The following TENM4 variants were observed in gnomAD, a reference collection of about 807,000 sequenced individuals.
TENM4 encodes the protein teneurin transmembrane protein 4.
TENM4 carries 82 observed loss-of-function variants against 243.3 expected under a neutral mutation model. The observed-to-expected ratio is 0.34, with a 90% CI of 0.28 to 0.40. The LOEUF (loss-of-function observed/expected upper bound fraction) is 0.40, where lower values mean the gene tolerates loss of function less well. TENM4 is among the 10% of genes least tolerant of loss of function. TENM4 has a pLI of 1.00. For missense variants in TENM4, 3,138 were observed against 3,673.3 expected, an observed-to-expected ratio of 0.85 and a Z score of 3.77; for synonymous variants, 1,412 against 1,456.3, an observed-to-expected ratio of 0.97 and a Z score of 0.69.
chr11:78,721,418 G>C (rs1859649345), intron 24 of TENM4, among the ~76,000 whole-genome samples: 1 of 152,230 alleles, frequency 6.6e-6, no homozygotes, highest in Admixed American at 6.5e-5. Context: ...GTGCGCCTTA[G>C]AGTGAGATTC....
At chr11:78,770,211 A>C (rs1024064341) in intron 18 of TENM4, among the ~76,000 whole-genome samples, 6 of 152,242 alleles carry the variant, frequency 3.9e-5, no homozygotes, top group Non-Finnish European at 8.8e-5. Context: ...AAAGTAGAAC[A>C]CATTATGGTT....
chr11:79,311,419 T>A (rs11826578), intron 1 of TENM4, among the ~76,000 whole-genome samples: 1 of 152,056 alleles, frequency 6.6e-6, no homozygotes, highest in East Asian at 1.9e-4. Flanking sequence ...CTCAGAGCCA[T>A]TGGAGGCTAA....
At chr11:79,227,637 C>G (rs1046526924) in intron 2 of TENM4, among the ~76,000 whole-genome samples, 1 of 152,212 alleles carries the variant, frequency 6.6e-6, no homozygotes, top group Non-Finnish European at 1.5e-5. Flanking sequence ...ATGGGGGACA[C>G]AAAAGCAGGT....
intron 3 of TENM4, among the ~76,000 whole-genome samples, chr11:79,158,367 G>A (rs889907366): frequency 5.3e-5 from 8 of 152,150 alleles, no homozygotes; most frequent in African/African-American, 1.7e-4. Flanking sequence ...GCAAGACCCT[G>A]CCTTGGAATA....
At chr11:79,272,493 A>G (rs770168506) in intron 2 of TENM4, among the ~76,000 whole-genome samples, 1 of 152,186 alleles carries the variant, frequency 6.6e-6, no homozygotes, top group Non-Finnish European at 1.5e-5. Flanking sequence ...TTTTCCTCCC[A>G]AGTCTCTGAA....
At chr11:79,360,942 CA>C (rs1398883244) in intron 1 of TENM4, among the ~76,000 whole-genome samples, 36 of 152,136 alleles carry the variant, frequency 2.4e-4, no homozygotes, top group Non-Finnish European at 5.9e-5. Context: ...TACAGCAGAC[CA>C]AATGTGCATT....
chr11:79,011,792 T>A (rs1441402348), intron 6 of TENM4, among the ~76,000 whole-genome samples: 1 of 152,238 alleles, frequency 6.6e-6, no homozygotes, highest in Non-Finnish European at 1.5e-5. Flanking sequence ...AGCACAGTCA[T>A]CAAGCATAAA....
At chr11:79,241,437 G>T (rs1296535971) in intron 2 of TENM4, among the ~76,000 whole-genome samples, 2 of 152,060 alleles carry the variant, frequency 1.3e-5, no homozygotes, top group Admixed American at 6.6e-5. Flanking sequence ...AACATTAAGA[G>T]AATTCGTCAC....
intron 2 of TENM4, among the ~76,000 whole-genome samples, chr11:79,286,448 T>A (rs1361579325): frequency 6.6e-6 from 1 of 150,426 alleles, no homozygotes; most frequent in Non-Finnish European, 1.5e-5. Flanking sequence ...AGGTCAGAAG[T>A]TTGAGACCAG....
At chr11:78,878,473 C>T (rs1298745687) in intron 9 of TENM4, among the ~76,000 whole-genome samples, 2 of 152,180 alleles carry the variant, frequency 1.3e-5, no homozygotes, top group Admixed American at 1.3e-4. Flanking sequence ...ACAGATGCTT[C>T]CCTGAAGTAG....
chr11:78,751,967 T>C (rs56977251), intron 19 of TENM4, among the ~76,000 whole-genome samples: 1,642 of 152,318 alleles, frequency 0.011, 27 homozygotes, highest in African/African-American at 0.038. Flanking sequence ...ACTAGGCAGA[T>C]GGGACCCGGG....
chr11:78,846,516 C>T (rs1858396498), intron 12 of TENM4, among the ~76,000 whole-genome samples: 2 of 152,184 alleles, frequency 1.3e-5, no homozygotes, highest in African/African-American at 4.8e-5. Flanking sequence ...TGGCGTCTAC[C>T]ACTCTGGACT....
In TENM4 at chr11:78,805,282, C is replaced by CCCCACCACCCCCCCCCCCCCCA; in HGVS notation, c.2179+9_2179+10insTGGGGGGGGGGGGGGTGGTGGG. 1.0e-6 allele frequency: 1 copy of CCCCACCACCCCCCCCCCCCCCA among 995,568 alleles called. No homozygotes were observed. Among genetic ancestry groups the CCCCACCACCCCCCCCCCCCCCA allele is most frequent in the Non-Finnish European group, 1.2e-6 (1 of 823,790 alleles). The allele number at this position is 995,568 out of a possible 1,614,324, so 61.7% of individuals were successfully genotyped here. ...CCCTCTACCCATGCTTCTTCTCCCC[C>CCCCACCACCCCCCCCCCCCCCA]TGCATTTACCGATAGAACAGTCGTG... On this transcript the variant is annotated intron_variant, in intron 15 of 33. Coordinates refer to ENST00000278550, the MANE Select transcript of TENM4 (RefSeq NM_001098816.3).
At chr11:79,045,614 G>A (rs1320371033) in intron 6 of TENM4, among the ~76,000 whole-genome samples, 2 of 152,166 alleles carry the variant, frequency 1.3e-5, no homozygotes, top group Non-Finnish European at 2.9e-5. Context: ...GAGGAGCCCG[G>A]CTTGGAGGCA....
chr11:79,132,139 G>A (rs979919524), intron 4 of TENM4, among the ~76,000 whole-genome samples: 43 of 151,556 alleles, frequency 2.8e-4, no homozygotes, highest in Middle Eastern at 3.2e-3. Flanking sequence ...TCAGGAGATC[G>A]AGACCACCCT....
chr11:78,950,731 C>T (rs1487468890), intron 6 of TENM4, among the ~76,000 whole-genome samples: 1 of 152,100 alleles, frequency 6.6e-6, no homozygotes, highest in Non-Finnish European at 1.5e-5. Context: ...CTAATACCAC[C>T]AATGATGTAG....
intron 4 of TENM4, among the ~76,000 whole-genome samples, chr11:79,131,212 C>T (rs929358668): frequency 3.3e-5 from 5 of 152,110 alleles, no homozygotes; most frequent in African/African-American, 1.2e-4. Flanking sequence ...AAAAGATTGC[C>T]TCGGCACATT....
At chr11:79,184,263 G>A (rs1863343093) in intron 3 of TENM4, among the ~76,000 whole-genome samples, 1 of 152,202 alleles carries the variant, frequency 6.6e-6, no homozygotes, top group Non-Finnish European at 1.5e-5. Flanking sequence ...TTTCATGGAA[G>A]ACAATCTTTC....
chr11:79,044,841 G>A (rs537330186), intron 6 of TENM4, among the ~76,000 whole-genome samples: 7 of 152,244 alleles, frequency 4.6e-5, no homozygotes, highest in African/African-American at 9.6e-5. Context: ...TTGTATCCCC[G>A]GGGCCTGATC....
Sources: allele counts gnomAD v4.1 joint callset (sites outside exome capture counted in the v4.1 genomes callset), GRCh38; gene constraint gnomAD v4.1.1; transcripts MANE v1.5; gene names NCBI Gene and HGNC (gene_info 2026-07-23, HGNC 2026-07-21).